The following EBF3 variants were observed in gnomAD, a reference collection of about 807,000 sequenced individuals.
EBF3 encodes the protein transcription factor COE3.
A neutral mutation model predicts 77.1 loss-of-function variants in EBF3; 18 were observed. The ratio of observed to expected loss-of-function variants is 0.23; its 90% CI spans 0.16 to 0.35. EBF3 has a LOEUF of 0.35. EBF3 is among the 10% of genes least tolerant of loss of function. The pLI, the probability that EBF3 is intolerant of heterozygous loss-of-function variation, is 1.00. For missense variants in EBF3, 558 were observed against 860.0 expected (o/e 0.65, Z 4.39); for synonymous variants, 350 against 343.5 (o/e 1.02, Z -0.21).
At chr10:129,862,574 T>A (rs1851718203) in intron 10 of EBF3, among the ~76,000 whole-genome samples, 1 of 152,194 alleles carries the variant, frequency 6.6e-6, no homozygotes, top group Non-Finnish European at 1.5e-5. Flanking sequence ...CAGGGTCCCA[T>A]GAATGATGCT....
At chr10:129,851,622 G>A (rs556662937) in intron 10 of EBF3, among the ~76,000 whole-genome samples, 1 of 152,270 alleles carries the variant, frequency 6.6e-6, no homozygotes. Flanking sequence ...CTGAGAGGAT[G>A]AGTTTTCTAA....
chr10:129,865,211 G>A (rs1301773749), intron 10 of EBF3, among the ~76,000 whole-genome samples: 1 of 152,192 alleles, frequency 6.6e-6, no homozygotes, highest in African/African-American at 2.4e-5. Context: ...AGCCCACGGT[G>A]GGATTCTGAC....
intron 6 of EBF3, among the ~76,000 whole-genome samples, chr10:129,954,088 G>A (rs1277483971): frequency 6.6e-6 from 1 of 152,168 alleles, no homozygotes; most frequent in East Asian, 1.9e-4. Context: ...ATTTGTGTGT[G>A]TATGTACAGA....
At chr10:129,880,805 GT>G (rs1444376727) in intron 6 of EBF3, among the ~76,000 whole-genome samples, 1 of 152,224 alleles carries the variant, frequency 6.6e-6, no homozygotes, top group East Asian at 1.9e-4. Flanking sequence ...TCTTACCCTA[GT>G]TTTGGTCATG....
chr10:129,846,110 G>GTGT (rs1269690650), intron 11 of EBF3, among the ~76,000 whole-genome samples: 33 of 69,096 alleles, frequency 4.8e-4, no homozygotes, highest in Non-Finnish European at 7.2e-4. Context: ...TCTGGGCTTT[G>GTGT]TGTGTGTGTG....
At position 129,950,858 on chromosome 10, in the gene EBF3, G is replaced by A. The variant is rs549469745; in HGVS notation, c.554+6400C>T. On this transcript the variant is annotated intron_variant, in intron 6 of 16. Coordinates refer to ENST00000440978, the MANE Select transcript of EBF3 (RefSeq NM_001375380.1). ...GGAATGGTTTTCATTTTCTCCAAGT[G>A]TAGGCTGCAGAAGCTTTGCCAACTG... 7.2e-5 allele frequency among the ~76,000 whole-genome samples: 11 copies of A among 152,352 alleles called. No homozygotes were observed. In the South Asian group the frequency reaches 2.3e-3, roughly 32 times the overall value.
At chr10:129,962,899 AG>A in intron 3 of EBF3, 42 bp downstream of exon 3, 1 of 1,610,130 alleles carries the variant, frequency 6.2e-7, no homozygotes, top group East Asian at 2.2e-5. Context: ...AGAAAAGGAG[AG>A]CCAGCCGCTG....
At chr10:129,877,977 G>A (rs773022873) in intron 6 of EBF3, 128 bp from the exon 7 acceptor site, 1 of 700,804 alleles carries the variant, frequency 1.4e-6, no homozygotes, top group Non-Finnish European at 2.3e-6. Context: ...TCCCTCTAGG[G>A]GGCGACATTG....
intron 6 of EBF3, among the ~76,000 whole-genome samples, chr10:129,932,231 C>T (rs989157205): frequency 1.3e-5 from 2 of 152,196 alleles, no homozygotes; most frequent in South Asian, 2.1e-4. Flanking sequence ...ATAACTGTAA[C>T]GGATAAAATG....
chr10:129,907,603 G>A (rs767792428), intron 6 of EBF3, among the ~76,000 whole-genome samples: 2 of 152,016 alleles, frequency 1.3e-5, no homozygotes, highest in Admixed American at 6.6e-5. Context: ...AAGATGCCTC[G>A]AAATACAGCC....
intron 6 of EBF3, among the ~76,000 whole-genome samples, chr10:129,910,566 A>G (rs1002768520): frequency 6.6e-6 from 1 of 152,036 alleles, no homozygotes; most frequent in African/African-American, 2.4e-5. Context: ...AAATATCTCA[A>G]TACATCAATT....
chr10:129,873,996 T>C (rs1852585111), intron 7 of EBF3, among the ~76,000 whole-genome samples: 1 of 152,212 alleles, frequency 6.6e-6, no homozygotes. Context: ...ATGAGTTCAC[T>C]TGAGACTGGC....
intron 6 of EBF3, among the ~76,000 whole-genome samples, chr10:129,880,504 T>C (rs989215670): frequency 6.6e-6 from 1 of 151,470 alleles, no homozygotes; most frequent in African/African-American, 2.4e-5. Context: ...CACACATACA[T>C]ATGCACACAC....
At chr10:129,873,294 C>T (rs540833314) in intron 8 of EBF3, among the ~76,000 whole-genome samples, 158 bp downstream of exon 8, 2 of 152,340 alleles carry the variant, frequency 1.3e-5, no homozygotes, top group East Asian at 1.9e-4. Flanking sequence ...GGCTGTCTCC[C>T]CTTCCACCTC....
intron 6 of EBF3, among the ~76,000 whole-genome samples, chr10:129,936,480 C>G (rs1268625108): frequency 6.6e-6 from 1 of 152,208 alleles, no homozygotes; most frequent in Non-Finnish European, 1.5e-5. Flanking sequence ...TGTCAGGGGA[C>G]CCTCGGCCTG....
In EBF3 at chr10:129,841,207, A is replaced by T. The variant is rs1365895403; in HGVS notation, c.1373-175T>A. Among the ~76,000 whole-genome samples the T allele has an allele frequency of 6.6e-6, 1 of 152,104 alleles. No individual in the cohort carries two copies. The highest frequency in any genetic ancestry group is 1.5e-5 in the Non-Finnish European group (1 of 68,020). ...ACCTTATCACGCCAACCCTGCTGCC[A>T]CTGTCTCACCGTGAGCCCCATCCTG... On this transcript the variant is annotated intron_variant, in intron 13 of 16. Coordinates refer to ENST00000440978, the MANE Select transcript of EBF3 (RefSeq NM_001375380.1). This position sits in a 1 kb window ranked among gnomAD's most constrained non-coding sequence, Gnocchi z 4.6.
chr10:129,894,950 G>A (rs1854265798), intron 6 of EBF3, among the ~76,000 whole-genome samples: 1 of 152,220 alleles, frequency 6.6e-6, no homozygotes, highest in Admixed American at 6.5e-5. Flanking sequence ...CCCTGGGTCA[G>A]TGAGCACAAA....
intron 11 of EBF3, among the ~76,000 whole-genome samples, chr10:129,846,097 C>G (rs1376979098): frequency 2.3e-5 from 3 of 130,516 alleles, no homozygotes; most frequent in Admixed American, 7.8e-5. Context: ...CCTTTATTTT[C>G]ATTCTGGGCT....
At chr10:129,959,664 C>T (rs1261726428) in intron 4 of EBF3, among the ~76,000 whole-genome samples, 2 of 151,928 alleles carry the variant, frequency 1.3e-5, no homozygotes, top group Non-Finnish European at 2.9e-5. Flanking sequence ...GGCCGCCGTC[C>T]CGAGCTCCCG....
Sources: gnomAD v4.1 joint callset for allele counts (sites outside exome capture counted in the v4.1 genomes callset) on GRCh38, gnomAD v4.1.1 for gene constraint, Gnocchi (gnomAD v3.1) non-coding constraint, MANE v1.5 for transcripts, NCBI Gene and HGNC (gene_info 2026-07-23, HGNC 2026-07-21) for gene names.